SRGAP1: variants seen among roughly 807,000 people sequenced by gnomAD.
The protein encoded by SRGAP1 is SLIT-ROBO Rho GTPase activating protein 1.
Under a neutral mutation model 121.9 loss-of-function variants are expected in SRGAP1, and 43 were observed. That is an observed-to-expected ratio of 0.35 (90% CI 0.28 to 0.46). SRGAP1 has a LOEUF of 0.46. Among genes scored for constraint, SRGAP1 ranks in the 20% least tolerant of loss-of-function variants. The pLI, the probability that SRGAP1 is intolerant of heterozygous loss-of-function variation, is 1.00. For synonymous variants in SRGAP1, 447 were observed against 485.4 expected, an observed-to-expected ratio of 0.92 and a Z score of 1.04; for missense variants, 1,102 against 1,350.9, an observed-to-expected ratio of 0.82 and a Z score of 2.89.
At chr12:63,919,992 C>T (rs1286904927) in intron 1 of SRGAP1, among the ~76,000 whole-genome samples, 1 of 152,172 alleles carries the variant, frequency 6.6e-6, no homozygotes, top group Non-Finnish European at 1.5e-5. Flanking sequence ...CACACATATA[C>T]AGGAGTTTCT....
chr12:64,121,310 C>T (rs983011971), intron 18 of SRGAP1, among the ~76,000 whole-genome samples: 8 of 152,098 alleles, frequency 5.3e-5, no homozygotes, highest in African/African-American at 1.7e-4. Context: ...GCCCCGCCTT[C>T]CTTGTGTCTT....
chr12:63,931,328 T>G (rs2031468505), intron 1 of SRGAP1, among the ~76,000 whole-genome samples: 1 of 152,194 alleles, frequency 6.6e-6, no homozygotes, highest in African/African-American at 2.4e-5. Context: ...TAAAATTGCC[T>G]TTATTTTGAG....
chr12:64,034,505 C>T (rs1412796601), intron 4 of SRGAP1, among the ~76,000 whole-genome samples: 1 of 152,068 alleles, frequency 6.6e-6, no homozygotes, highest in Non-Finnish European at 1.5e-5. Flanking sequence ...TTCCTTTTAC[C>T]TCTATTAGAA....
intron 3 of SRGAP1, among the ~76,000 whole-genome samples, chr12:63,995,983 A>G (rs1225929497): frequency 6.7e-6 from 1 of 149,054 alleles, no homozygotes; most frequent in East Asian, 1.9e-4. Flanking sequence ...AATAAAAGAT[A>G]CCACTTGACT....
intron 3 of SRGAP1, among the ~76,000 whole-genome samples, chr12:63,993,560 T>A (rs1283804969): frequency 6.6e-6 from 1 of 152,242 alleles, no homozygotes; most frequent in Non-Finnish European, 1.5e-5. Flanking sequence ...TCCCCATGTC[T>A]GTATGGAGAT....
At chr12:63,987,272 G>C (rs1056058619) in intron 2 of SRGAP1, among the ~76,000 whole-genome samples, 6 of 152,146 alleles carry the variant, frequency 3.9e-5, no homozygotes, top group South Asian at 2.1e-4. Flanking sequence ...GACACTTATT[G>C]TGTAGAACAT....
chr12:64,059,607 A>G (rs906706125), intron 6 of SRGAP1, among the ~76,000 whole-genome samples: 3 of 152,312 alleles, frequency 2.0e-5, no homozygotes, highest in East Asian at 3.9e-4. Context: ...ACATCTAAAA[A>G]AAAAGGTCAT....
intron 1 of SRGAP1, among the ~76,000 whole-genome samples, chr12:63,856,387 C>G (rs2136260465): frequency 6.6e-6 from 1 of 152,256 alleles, no homozygotes; most frequent in Non-Finnish European, 1.5e-5. Context: ...TCCTTCCCCA[C>G]TCTAAAGTCA....
At chr12:64,009,032 AAAG>A (rs1382140708) in intron 3 of SRGAP1, among the ~76,000 whole-genome samples, 2 of 152,136 alleles carry the variant, frequency 1.3e-5, no homozygotes, top group Admixed American at 6.5e-5. Context: ...CTGTCACAGA[AAAG>A]AAGGCCAGTT....
At chr12:63,901,807 A>G (rs2136307231) in intron 1 of SRGAP1, among the ~76,000 whole-genome samples, 1 of 152,334 alleles carries the variant, frequency 6.6e-6, no homozygotes, top group South Asian at 2.1e-4. Flanking sequence ...TCAAGTTTCT[A>G]CCCACATGAG....
chr12:63,866,527 A>G (rs766126988), intron 1 of SRGAP1, among the ~76,000 whole-genome samples: 2 of 152,268 alleles, frequency 1.3e-5, no homozygotes, highest in Non-Finnish European at 2.9e-5. Flanking sequence ...GATGTATAAC[A>G]TAACCACATT....
chr12:64,060,950 T>G (rs1338928677), intron 6 of SRGAP1, among the ~76,000 whole-genome samples: 1 of 152,216 alleles, frequency 6.6e-6, no homozygotes, highest in African/African-American at 2.4e-5. Flanking sequence ...TGAGTTGAAT[T>G]GAATCAAACT....
At chr12:63,977,126 A>G (rs2033116763) in intron 1 of SRGAP1, among the ~76,000 whole-genome samples, 2 of 152,218 alleles carry the variant, frequency 1.3e-5, no homozygotes, top group South Asian at 4.2e-4. Context: ...CCTGGTGTTT[A>G]GTTAATCAAC....
chr12:64,013,805 A>G (rs1369530823), intron 3 of SRGAP1, among the ~76,000 whole-genome samples: 2 of 152,204 alleles, frequency 1.3e-5, no homozygotes, highest in Admixed American at 6.5e-5. Flanking sequence ...GCAAGGGAAT[A>G]TGGATATAAG....
At position 63,951,152 on chromosome 12, in the gene SRGAP1, C is replaced by CTTTTTT. The variant is rs58637983; in HGVS notation, c.68-32771_68-32766dup. On this transcript the variant is annotated intron_variant, in intron 1 of 21. Coordinates refer to ENST00000355086, the MANE Select transcript of SRGAP1 (RefSeq NM_020762.4). ...GGGCTGGTCCATGCCATTTAGAACT[C>CTTTTTT]TTTTTTTTTTTTTTTTTTTTTTTTT... 7.9e-4 allele frequency among the ~76,000 whole-genome samples: 35 copies of CTTTTTT among 44,186 alleles called. 8 individuals carry two copies. The highest frequency in any genetic ancestry group is 2.1e-3 in the African/African-American group (25 of 11,920). 29.0% of individuals were successfully genotyped at this position (44,186 alleles called of 152,430 possible). A position where few individuals can be genotyped will look rare whatever the true frequency, so the allele number is the denominator to read the frequency against.
intron 6 of SRGAP1, among the ~76,000 whole-genome samples, chr12:64,055,726 T>C (rs749184762): frequency 4.6e-5 from 7 of 152,156 alleles, no homozygotes; most frequent in Non-Finnish European, 1.0e-4. Context: ...AGTCTTTGCT[T>C]AAAGGAAGCT....
intron 11 of SRGAP1, among the ~76,000 whole-genome samples, chr12:64,089,416 G>A (rs1429905880): frequency 1.3e-5 from 2 of 152,178 alleles, no homozygotes; most frequent in African/African-American, 4.8e-5. Context: ...CTCCCTGGTG[G>A]TGGGGCACAT....
intron 18 of SRGAP1, among the ~76,000 whole-genome samples, chr12:64,117,399 C>T (rs750107453): frequency 6.6e-5 from 10 of 152,118 alleles, no homozygotes; most frequent in Non-Finnish European, 1.2e-4. Flanking sequence ...TGTGGGTCCA[C>T]ATCAGGTCCT....
chr12:63,973,195 C>T (rs2033005952), intron 1 of SRGAP1, among the ~76,000 whole-genome samples: 1 of 152,066 alleles, frequency 6.6e-6, no homozygotes, highest in South Asian at 2.1e-4. Flanking sequence ...ACCCTTGGCA[C>T]CTAAACTGTT....
Sources: gnomAD v4.1 joint callset for allele counts (sites outside exome capture counted in the v4.1 genomes callset) on GRCh38, gnomAD v4.1.1 for gene constraint, MANE v1.5 for transcripts, NCBI Gene and HGNC (gene_info 2026-07-23, HGNC 2026-07-21) for gene names.